Variants in ASXL2 observed in about 807,000 individuals in gnomAD.
The protein encoded by ASXL2 is putative Polycomb group protein ASXL2.
Under a neutral mutation model 122.0 loss-of-function variants are expected in ASXL2, and 23 were observed. The observed-to-expected ratio is 0.19, with a 90% CI of 0.14 to 0.27. The LOEUF (loss-of-function observed/expected upper bound fraction) is 0.27, where lower values mean the gene tolerates loss of function less well. Ranked by LOEUF, ASXL2 falls within the 10% of genes least tolerant of loss-of-function variation. The pLI, the probability that ASXL2 is intolerant of heterozygous loss-of-function variation, is 1.00. For synonymous variants in ASXL2, 650 were observed against 637.0 expected (o/e 1.02, Z -0.31); for missense variants, 1,518 against 1,713.8 (o/e 0.89, Z 2.02).
At chr2:25,766,689 C>T (rs961503290) in intron 8 of ASXL2, among the ~76,000 whole-genome samples, 1 of 152,104 alleles carries the variant, frequency 6.6e-6, no homozygotes, top group African/African-American at 2.4e-5. Context: ...TTTTGGAAGC[C>T]AAGGAGGAGA....
chr2:25,877,310 A>G (rs1157579583), intron 1 of ASXL2, among the ~76,000 whole-genome samples: 1 of 152,196 alleles, frequency 6.6e-6, no homozygotes, highest in African/African-American at 2.4e-5. Flanking sequence ...TTCTGCATAC[A>G]ACATGCTTTT....
intron 1 of ASXL2, among the ~76,000 whole-genome samples, chr2:25,855,848 A>AAG (rs1296468899): frequency 1.3e-5 from 2 of 150,662 alleles, no homozygotes; most frequent in Non-Finnish European, 3.0e-5. Context: ...AAAAAAAAAA[A>AAG]AGAGAGAGAG....
intron 4 of ASXL2, among the ~76,000 whole-genome samples, 172 bp downstream of exon 4, chr2:25,806,057 T>C (rs1222811701): frequency 6.6e-6 from 1 of 152,202 alleles, no homozygotes; most frequent in Non-Finnish European, 1.5e-5. Flanking sequence ...GATCTACCTA[T>C]AGTTAGTTAT....
intron 12 of ASXL2, 62 bp downstream of exon 12, chr2:25,749,634 G>A: frequency 7.5e-7 from 1 of 1,337,630 alleles, no homozygotes; most frequent in Admixed American, 3.2e-5. Context: ...AATTTAGTAG[G>A]TATGACCAAA....
intron 3 of ASXL2, among the ~76,000 whole-genome samples, chr2:25,810,898 A>G (rs2089159151): frequency 2.0e-5 from 3 of 152,174 alleles, no homozygotes; most frequent in African/African-American, 7.2e-5. Context: ...CAAATGAATT[A>G]AAAGCCAAAG....
chr2:25,847,027 T>C (rs1179764981), intron 1 of ASXL2, among the ~76,000 whole-genome samples: 2 of 152,254 alleles, frequency 1.3e-5, no homozygotes, highest in Admixed American at 6.5e-5. Context: ...TCAACAGATA[T>C]ATACGTATAT....
At chr2:25,836,892 T>G (rs1045103642) in intron 2 of ASXL2, among the ~76,000 whole-genome samples, 1 of 152,108 alleles carries the variant, frequency 6.6e-6, no homozygotes, top group Admixed American at 6.6e-5. Context: ...TCTTCCTAAT[T>G]TATTTCCCCT....
At chr2:25,866,134 CTTTTTTTT>C (rs779728638) in intron 1 of ASXL2, among the ~76,000 whole-genome samples, 3 of 141,324 alleles carry the variant, frequency 2.1e-5, no homozygotes, top group Admixed American at 7.1e-5. Flanking sequence ...TTTCTTTTTT[CTTTTTTTT>C]TTTTTTTGAG....
chr2:25,805,142 G>A (rs1485307359), intron 4 of ASXL2, among the ~76,000 whole-genome samples: 15 of 152,166 alleles, frequency 9.9e-5, no homozygotes, highest in Admixed American at 5.2e-4. Context: ...TTCCTATACC[G>A]GTTCTGATAC....
At chr2:25,788,316 G>A (rs1213802701) in intron 5 of ASXL2, among the ~76,000 whole-genome samples, 2 of 152,192 alleles carry the variant, frequency 1.3e-5, no homozygotes, top group African/African-American at 4.8e-5. Flanking sequence ...TCCTCTCTGT[G>A]TGTATATAGT....
intron 3 of ASXL2, among the ~76,000 whole-genome samples, chr2:25,829,820 T>C (rs934561985): frequency 9.9e-5 from 15 of 152,170 alleles, no homozygotes; most frequent in African/African-American, 2.9e-4. Flanking sequence ...ATCACAAAAA[T>C]AGTCCAGCCC....
intron 5 of ASXL2, 23 bp from the exon 6 acceptor site, chr2:25,771,563 A>G: frequency 1.3e-6 from 2 of 1,589,014 alleles, no homozygotes; most frequent in Non-Finnish European, 8.6e-7. Context: ...AAGTGACAAT[A>G]AAAGATTTTT....
At chr2:25,789,739 A>C (rs2088803941) in intron 5 of ASXL2, among the ~76,000 whole-genome samples, 1 of 152,200 alleles carries the variant, frequency 6.6e-6, no homozygotes, top group Non-Finnish European at 1.5e-5. Flanking sequence ...CAAATAATGC[A>C]AATGTTTCAA....
At chr2:25,764,608 A>G (rs1346282879) in intron 8 of ASXL2, among the ~76,000 whole-genome samples, 2 of 152,242 alleles carry the variant, frequency 1.3e-5, no homozygotes, top group African/African-American at 4.8e-5. Context: ...TGATAAAGGT[A>G]GGTGGCTACC....
At chr2:25,826,165 T>A (rs2089372223) in intron 3 of ASXL2, among the ~76,000 whole-genome samples, 1 of 152,234 alleles carries the variant, frequency 6.6e-6, no homozygotes. Context: ...AGTAGTATAA[T>A]GCTGGGAAAA....
In ASXL2 at chr2:25,789,567, G is replaced by C. The variant is rs117131893; in HGVS notation, c.403+9818C>G. On this transcript the variant is annotated intron_variant, in intron 5 of 12. Coordinates refer to ENST00000435504, the MANE Select transcript of ASXL2 (RefSeq NM_018263.6). ...TCTGTTTGTGAAAATCCAACAAGCT[G>C]TATACTTACGTGTACTTTAATGAAT... Among the ~76,000 whole-genome samples, 5 of 152,134 alleles carry C rather than the reference G, an allele frequency of 3.3e-5. No homozygotes were observed. The East Asian group carries it at 9.7e-4, about 30-fold the overall frequency.
intron 1 of ASXL2, chr2:25,856,320 G>A (rs148274527): frequency 0.012 from 5,394 of 439,180 alleles, 56 homozygotes; most frequent in Admixed American, 0.016. Flanking sequence ...GCCTCCCAAA[G>A]TGCTGGGATT....
intron 1 of ASXL2, among the ~76,000 whole-genome samples, chr2:25,851,093 C>T: frequency 6.6e-6 from 1 of 151,446 alleles, no homozygotes; most frequent in East Asian, 1.9e-4. Flanking sequence ...TTGCAATGAG[C>T]CAACATTGTG....
chr2:25,742,573 G>A lies in ASXL2; in HGVS notation c.3764C>T (p.Thr1255Ile). ...KENYLFTRGQTFDEKTLARDL... is the reference protein window; with the variant it reads ...KENYLFTRGQIFDEKTLARDL... ...TCTGGCTAGGGTCTTTTCATCAAAT[G>A]TTTGGCCTCTAGTGAACAGGTAATT... Residue 1255 changes from threonine (T) to isoleucine (I), a missense_variant, in exon 13 of 13, where the codon ACA becomes ATA. Transcript: ENST00000435504. 1.2e-6 allele frequency: 2 copies of A among 1,613,978 alleles called. No homozygotes were observed. The highest frequency in any genetic ancestry group is 8.5e-7 in the Non-Finnish European group (1 of 1,179,882).
Sources: gnomAD v4.1 joint callset for allele counts (sites outside exome capture counted in the v4.1 genomes callset) on GRCh38, gnomAD v4.1.1 for gene constraint, MANE v1.5 for transcripts, NCBI Gene and HGNC (gene_info 2026-07-23, HGNC 2026-07-21) for gene names.